The following HDLBP variants were observed in gnomAD, a reference collection of about 807,000 sequenced individuals.
The protein encoded by HDLBP is high density lipoprotein binding protein.
A neutral mutation model predicts 137.3 loss-of-function variants in HDLBP; 30 were observed. The observed-to-expected ratio is 0.22, with a 90% CI of 0.16 to 0.30. The LOEUF (loss-of-function observed/expected upper bound fraction) is 0.30, where lower values mean the gene tolerates loss of function less well. Among genes scored for constraint, HDLBP ranks in the 10% least tolerant of loss-of-function variants. HDLBP has a pLI of 1.00. For missense variants in HDLBP, 1,119 were observed against 1,667.3 expected, an observed-to-expected ratio of 0.67 and a Z score of 5.73; for synonymous variants, 606 against 596.0, an observed-to-expected ratio of 1.02 and a Z score of -0.24.
chr2:241,310,563 G>C (rs1477614980), intron 1 of HDLBP, among the ~76,000 whole-genome samples: 1 of 151,456 alleles, frequency 6.6e-6, no homozygotes, highest in Non-Finnish European at 1.5e-5. Flanking sequence ...CAATTTAAAA[G>C]ATAAAAACAA....
chr2:241,297,355 T>C (rs758035943), intron 1 of HDLBP, among the ~76,000 whole-genome samples: 4 of 152,162 alleles, frequency 2.6e-5, no homozygotes, highest in African/African-American at 9.7e-5. Flanking sequence ...GATCTAAGAT[T>C]GTCACTGTTG....
chr2:241,300,982 ATTATTAT>A (rs577258883), intron 1 of HDLBP, among the ~76,000 whole-genome samples: 18 of 107,804 alleles, frequency 1.7e-4, no homozygotes, highest in African/African-American at 5.1e-4. Context: ...TATTATTATT[ATTATTAT>A]TATTTTGAGA....
intron 17 of HDLBP, among the ~76,000 whole-genome samples, chr2:241,242,022 A>C (rs906960831): frequency 1.3e-5 from 2 of 152,320 alleles, no homozygotes; most frequent in Admixed American, 6.5e-5. Context: ...ACTTCCCATA[A>C]ACCTGGTGTC....
intron 1 of HDLBP, among the ~76,000 whole-genome samples, chr2:241,278,603 T>C (rs1432270323): frequency 6.6e-6 from 1 of 150,530 alleles, no homozygotes; most frequent in African/African-American, 2.4e-5. Context: ...AAAATTCAAA[T>C]GAAGAATCTC....
chr2:241,285,417 AG>A lies in HDLBP; in HGVS notation c.-102-16877del, dbSNP rs2074766067. On this transcript the variant is annotated intron_variant, in intron 1 of 27. Transcript: ENST00000310931. ...GTTCAGTCCGGGACTGGGTAAACAAAGGGTGGCAGAACACAAAGCACTATCA... is the reference window on the plus strand; with the variant it reads ...GTTCAGTCCGGGACTGGGTAAACAAAGGTGGCAGAACACAAAGCACTATCA... 3.3e-5 allele frequency among the ~76,000 whole-genome samples: 5 copies of A among 152,300 alleles called. No homozygotes were observed. The South Asian group carries it at 1.0e-3, about 32-fold the overall frequency.
At chr2:241,274,100 CCTCA>C (rs1410754504) in intron 1 of HDLBP, among the ~76,000 whole-genome samples, 2 of 152,004 alleles carry the variant, frequency 1.3e-5, no homozygotes, top group African/African-American at 4.8e-5. Context: ...GAAGAGCTGC[CCTCA>C]CTGAGGTGGG....
chr2:241,292,684 T>C (rs73018159), intron 1 of HDLBP, among the ~76,000 whole-genome samples: 2,310 of 152,166 alleles, frequency 0.015, 24 homozygotes, highest in Non-Finnish European at 0.023. Context: ...AAATGAAAAA[T>C]ATAAAATATT....
chr2:241,292,366 A>G (rs756284113), intron 1 of HDLBP, among the ~76,000 whole-genome samples: 1 of 152,222 alleles, frequency 6.6e-6, no homozygotes, highest in Non-Finnish European at 1.5e-5. Context: ...GGCATTAAAA[A>G]CAAAAACTAA....
In HDLBP at chr2:241,253,437, C is replaced by T. The variant is rs1454767196; in HGVS notation, c.1249G>A (p.Val417Ile). ...KITLEGPTED[V>I]NVAQEQIEGM... ...TCTATCTGTTCCTGGGCCACATTGA[C>T]ATCCTCTGTAGGGCCCTCCAGGGTG... Residue 417 changes from valine to isoleucine, a missense_variant, in exon 10 of 28, where the codon GTC becomes ATC. Coordinates refer to ENST00000310931, the MANE Select transcript of HDLBP (RefSeq NM_005336.6). The T allele has an allele frequency of 6.2e-7, 1 of 1,613,772 alleles. No homozygotes were observed. Among genetic ancestry groups the T allele is most frequent in the Non-Finnish European group, 8.5e-7 (1 of 1,179,616 alleles).
intron 4 of HDLBP, among the ~76,000 whole-genome samples, chr2:241,264,224 T>C (rs894928905): frequency 6.6e-6 from 1 of 150,946 alleles, no homozygotes; most frequent in African/African-American, 2.4e-5. Flanking sequence ...TAGCCGGGCG[T>C]GGTGGCGGGC....
intron 20 of HDLBP, among the ~76,000 whole-genome samples, chr2:241,237,982 GC>G (rs2070764638): frequency 6.6e-6 from 1 of 152,248 alleles, no homozygotes. Flanking sequence ...CACTCAGCAG[GC>G]TGCAGGGCCA....
intron 1 of HDLBP, among the ~76,000 whole-genome samples, chr2:241,284,877 TTTA>T (rs2074745568): frequency 6.6e-6 from 1 of 152,136 alleles, no homozygotes; most frequent in African/African-American, 2.4e-5. Context: ...TAACCAATAT[TTTA>T]TTATTATTTT....
At chr2:241,308,604 T>C (rs966052254) in intron 1 of HDLBP, among the ~76,000 whole-genome samples, 8 of 152,100 alleles carry the variant, frequency 5.3e-5, no homozygotes, top group African/African-American at 1.7e-4. Flanking sequence ...AGCGTCAAAG[T>C]GTATACTGTT....
intron 2 of HDLBP, chr2:241,267,435 C>A: frequency 4.1e-6 from 3 of 734,502 alleles, no homozygotes; most frequent in East Asian, 2.7e-5. Context: ...CACAGAGACA[C>A]AGTCAACACC....
chr2:241,236,627 C>A lies in HDLBP; in HGVS notation c.2892G>T (p.Lys964Asn). Residue 964 changes from lysine (K) to asparagine (N), a missense_variant, in exon 21 of 28, where the codon AAG (lysine) becomes AAT (asparagine). Coordinates refer to ENST00000310931, the MANE Select transcript of HDLBP (RefSeq NM_005336.6). ...CATGGACACATACCTCCAGAGCTTC[C>A]TTGGCAGCCTCACACTTTTCTTTCC... ...SGRKEKCEAA[K>N]EALEALVPVT... 6.2e-7 allele frequency: 1 copy of A among 1,614,018 alleles called. No homozygotes were observed. The highest frequency in any genetic ancestry group is 8.5e-7 in the Non-Finnish European group (1 of 1,179,930).
chr2:241,231,182 C>G, intron 24 of HDLBP: 2 of 443,800 alleles, frequency 4.5e-6, no homozygotes, highest in Non-Finnish European at 8.2e-6. Flanking sequence ...GTCCGGAATT[C>G]GTGACCAGCC....
chr2:241,279,334 A>G (rs926677704), intron 1 of HDLBP, among the ~76,000 whole-genome samples: 2 of 152,238 alleles, frequency 1.3e-5, no homozygotes, highest in Non-Finnish European at 2.9e-5. Context: ...CAAACACTGA[A>G]TTGTAAAAAA....
rs1336884943 is a variant in HDLBP, at chr2:241,238,932, C to CCAGG, written c.2611-149_2611-146dup. On this transcript the variant is annotated intron_variant, in intron 19 of 27. Transcript: ENST00000310931. This position sits in a 1 kb window ranked among gnomAD's most constrained non-coding sequence, Gnocchi z 4.9. ...CTCCCCTTCTCCCGAGTCCAGGGCTCCAGGCGCAGGGAGGAGGGAGGTAGC... is the reference window on the plus strand; with the variant it reads ...CTCCCCTTCTCCCGAGTCCAGGGCTCCAGGCAGGCGCAGGGAGGAGGGAGGTAGC... 5 of 614,228 alleles carry CCAGG rather than the reference C, an allele frequency of 8.1e-6. No individual in the cohort carries two copies. The highest frequency in any genetic ancestry group is 1.3e-5 in the Non-Finnish European group (5 of 379,094). The allele number at this position is 614,228 out of a possible 1,614,324, so 38.0% of individuals were successfully genotyped here.
intron 17 of HDLBP, among the ~76,000 whole-genome samples, chr2:241,241,864 G>C (rs1047423251): frequency 6.6e-6 from 1 of 152,184 alleles, no homozygotes; most frequent in Non-Finnish European, 1.5e-5. Context: ...CAAAACTGCT[G>C]AGCTGTCAAT....
Sources: gnomAD v4.1 joint callset for allele counts (sites outside exome capture counted in the v4.1 genomes callset) on GRCh38, gnomAD v4.1.1 for gene constraint, Gnocchi (gnomAD v3.1) non-coding constraint, MANE v1.5 for transcripts, NCBI Gene and HGNC (gene_info 2026-07-23, HGNC 2026-07-21) for gene names.